Variants in TSPAN18 observed in about 807,000 individuals in gnomAD.
The protein encoded by TSPAN18 is tetraspanin-18.
In TSPAN18, 14 loss-of-function variants were observed where a neutral mutation model predicts 27.3. The observed-to-expected ratio is 0.51, with a 90% CI of 0.34 to 0.80. The LOEUF (loss-of-function observed/expected upper bound fraction) is 0.80, where lower values mean the gene tolerates loss of function less well. Among genes scored for constraint, TSPAN18 ranks in the 30% least tolerant of loss-of-function variants. The probability of loss-of-function intolerance (pLI) is 0.01; values close to 1 mark genes in which losing one functional copy is unlikely to be tolerated. For missense variants in TSPAN18, 268 were observed against 323.9 expected, an observed-to-expected ratio of 0.83 and a Z score of 1.32; for synonymous variants, 143 against 136.5, an observed-to-expected ratio of 1.05 and a Z score of -0.33.
intron 3 of TSPAN18, among the ~76,000 whole-genome samples, chr11:44,867,477 C>T (rs1858072452): frequency 7.2e-6 from 1 of 139,574 alleles, no homozygotes; most frequent in Non-Finnish European, 1.5e-5. Flanking sequence ...CGGCTCACTG[C>T]AACCTCCACC....
At chr11:44,841,424 G>GA (rs1857371243) in intron 2 of TSPAN18, among the ~76,000 whole-genome samples, 1 of 151,856 alleles carries the variant, frequency 6.6e-6, no homozygotes, top group African/African-American at 2.4e-5. Flanking sequence ...GCTGAGGCGG[G>GA]AAAATCACTT....
intron 1 of TSPAN18, among the ~76,000 whole-genome samples, chr11:44,760,858 C>T (rs1000170403): frequency 1.3e-5 from 2 of 152,004 alleles, no homozygotes; most frequent in African/African-American, 4.8e-5. Context: ...AAAGTGATAT[C>T]ATAGTTAATT....
chr11:44,886,254 G>A (rs1858648949), intron 3 of TSPAN18: 2 of 152,234 alleles, frequency 1.3e-5, no homozygotes, highest in Non-Finnish European at 1.5e-5. Context: ...GACCAGCAAC[G>A]TCTCTTTACT....
intron 2 of TSPAN18, among the ~76,000 whole-genome samples, chr11:44,797,380 G>A (rs2135058482): frequency 6.6e-6 from 1 of 152,312 alleles, no homozygotes; most frequent in Non-Finnish European, 1.5e-5. Flanking sequence ...GGCCAGGTGA[G>A]TGGGTGAGGG....
intron 2 of TSPAN18, among the ~76,000 whole-genome samples, chr11:44,773,030 T>C (rs1465021454): frequency 1.3e-5 from 2 of 152,222 alleles, no homozygotes; most frequent in African/African-American, 4.8e-5. Flanking sequence ...ACTGAATAAG[T>C]AGGTGCTCTC....
At chr11:44,733,914 C>T (rs926173602) in intron 1 of TSPAN18, among the ~76,000 whole-genome samples, 5 of 152,062 alleles carry the variant, frequency 3.3e-5, no homozygotes, top group African/African-American at 1.2e-4. Flanking sequence ...TTTGACCCTC[C>T]AAATCTCATG....
intron 2 of TSPAN18, among the ~76,000 whole-genome samples, chr11:44,822,109 C>T (rs1208759107): frequency 6.6e-6 from 1 of 152,008 alleles, no homozygotes; most frequent in Non-Finnish European, 1.5e-5. Flanking sequence ...GGTGGGGGTA[C>T]AGGGATAGGG....
chr11:44,880,602 G>A (rs1858463771), intron 3 of TSPAN18, among the ~76,000 whole-genome samples: 1 of 152,222 alleles, frequency 6.6e-6, no homozygotes, highest in Non-Finnish European at 1.5e-5. Context: ...CAGCTGAGAA[G>A]TAGGCCACTG....
chr11:44,828,745 C>G (rs1053916054), intron 2 of TSPAN18, among the ~76,000 whole-genome samples: 1 of 152,210 alleles, frequency 6.6e-6, no homozygotes, highest in Admixed American at 6.5e-5. Context: ...AATGGAGAGC[C>G]TCAGTCCATT....
intron 2 of TSPAN18, among the ~76,000 whole-genome samples, chr11:44,848,560 A>G (rs916354063): frequency 6.6e-6 from 1 of 152,196 alleles, no homozygotes; most frequent in Non-Finnish European, 1.5e-5. Flanking sequence ...GCTGAGCTGC[A>G]AAGTCTGCAA....
At chr11:44,834,864 G>T (rs1017727581) in intron 2 of TSPAN18, among the ~76,000 whole-genome samples, 2 of 152,290 alleles carry the variant, frequency 1.3e-5, no homozygotes, top group South Asian at 4.1e-4. Flanking sequence ...CCCAGAAGAA[G>T]CCTAAGGGGG....
At position 44,919,876 on chromosome 11, in the gene TSPAN18, C is replaced by T; in HGVS notation, c.492C>T (p.Leu164=). The stretch of plus-strand genomic sequence containing the variant: ...TTAAGTTTGCATCTGTGTTTCGACT[C>T]CTGACCCTGGATAGTGAAGAGGTGC... ...EDFKFASVFR[L]LTLDSEEVPE... is the part of the protein sequence containing the mutation. Residue 164 remains leucine, a synonymous_variant, in exon 8 of 10, where the codon CTC becomes CTT. Transcript: ENST00000520358. The T allele has an allele frequency of 5.0e-6, 8 of 1,614,214 alleles. No individual in the cohort carries two copies. Among genetic ancestry groups the T allele is most frequent in the South Asian group, 1.1e-5 (1 of 91,082 alleles).
intron 3 of TSPAN18, among the ~76,000 whole-genome samples, chr11:44,904,583 G>C (rs994556995): frequency 6.6e-6 from 1 of 152,186 alleles, no homozygotes. Flanking sequence ...CTCTGTCTGT[G>C]CTCCTCTCTC....
At chr11:44,923,213 T>C (rs1361236087) in intron 8 of TSPAN18, among the ~76,000 whole-genome samples, 1 of 152,066 alleles carries the variant, frequency 6.6e-6, no homozygotes, top group East Asian at 1.9e-4. Flanking sequence ...GAGATGTACG[T>C]GTGGGAAGCA....
intron 2 of TSPAN18, among the ~76,000 whole-genome samples, chr11:44,824,981 C>CT (rs1565166353): frequency 6.6e-6 from 1 of 152,192 alleles, no homozygotes; most frequent in Non-Finnish European, 1.5e-5. Flanking sequence ...GACACAGACA[C>CT]TAAACCCATC....
intron 2 of TSPAN18, among the ~76,000 whole-genome samples, chr11:44,805,650 C>T (rs946087332): frequency 3.3e-5 from 5 of 152,188 alleles, no homozygotes; most frequent in Admixed American, 2.6e-4. Context: ...TGAACACTCA[C>T]AAACTGGGTG....
At chr11:44,829,422 A>G (rs1010867329) in intron 2 of TSPAN18, among the ~76,000 whole-genome samples, 2 of 152,216 alleles carry the variant, frequency 1.3e-5, no homozygotes, top group Non-Finnish European at 2.9e-5. Flanking sequence ...AATGTCATAT[A>G]ATTGGAATTA....
At chr11:44,853,854 C>T (rs923506833) in intron 2 of TSPAN18, among the ~76,000 whole-genome samples, 10 of 152,102 alleles carry the variant, frequency 6.6e-5, no homozygotes, top group Non-Finnish European at 1.5e-4. Flanking sequence ...CTCTGGGCCT[C>T]CCGGTTCTGT....
In TSPAN18 at chr11:44,920,061, G is replaced by T; in HGVS notation, c.615+62G>T. 3.9e-6 allele frequency: 6 copies of T among 1,520,722 alleles called. No homozygotes were observed. In the South Asian group the frequency reaches 7.4e-5, roughly 19 times the overall value. The allele number at this position is 1,520,722 out of a possible 1,614,324, so 94.2% of individuals were successfully genotyped here. A position where few individuals can be genotyped will look rare whatever the true frequency, so the allele number is the denominator to read the frequency against. On this transcript the variant is annotated intron_variant, in intron 8 of 9. Coordinates refer to ENST00000520358, the MANE Select transcript of TSPAN18 (RefSeq NM_130783.5). ...ATCGGGATTTGGGTGGCCAGAGCTG[G>T]GTGGGAGGCGCTATCACCCCAGAGG...
Sources: allele counts gnomAD v4.1 joint callset (sites outside exome capture counted in the v4.1 genomes callset), GRCh38; gene constraint gnomAD v4.1.1; transcripts MANE v1.5; gene names NCBI Gene and HGNC (gene_info 2026-07-23, HGNC 2026-07-21).